Variants in FAM171A1 observed in about 807,000 individuals in gnomAD.
The protein encoded by FAM171A1 is protein FAM171A1.
A neutral mutation model predicts 74.9 loss-of-function variants in FAM171A1; 23 were observed. The observed-to-expected ratio is 0.31, with a 90% confidence interval of 0.22 to 0.44. The LOEUF (loss-of-function observed/expected upper bound fraction) is 0.44, where lower values mean the gene tolerates loss of function less well. Ranked by LOEUF, FAM171A1 falls within the 20% of genes least tolerant of loss-of-function variation. The probability of loss-of-function intolerance (pLI) is 1.00; values close to 1 mark genes in which losing one functional copy is unlikely to be tolerated. For missense variants in FAM171A1, 1,162 were observed against 1,159.2 expected (o/e 1.00, Z -0.03); for synonymous variants, 527 against 505.7 (o/e 1.04, Z -0.57).
chr10:15,214,806 G>A lies in FAM171A1; in HGVS notation c.987-205C>T, dbSNP rs1458543544. 3.4e-5 allele frequency among the ~76,000 whole-genome samples: 5 copies of A among 148,112 alleles called. No homozygotes were observed. In the East Asian group the frequency reaches 6.0e-4, roughly 18 times the overall value. On this transcript the variant is annotated intron_variant, in intron 7 of 7. Coordinates refer to ENST00000378116, the MANE Select transcript of FAM171A1 (RefSeq NM_001010924.2). ...GCATCTTGCTTGCTCTGTCGCCCAC[G>A]TTGGAGTGCAGTGCTATGATCATAG...
intron 1 of FAM171A1, among the ~76,000 whole-genome samples, chr10:15,310,668 C>A (rs939974557): frequency 6.6e-6 from 1 of 152,076 alleles, no homozygotes; most frequent in Non-Finnish European, 1.5e-5. Flanking sequence ...TCGAGACCAG[C>A]CTGGCCAACA....
At chr10:15,276,974 A>G (rs2131801017) in intron 2 of FAM171A1, among the ~76,000 whole-genome samples, 1 of 152,336 alleles carries the variant, frequency 6.6e-6, no homozygotes, top group East Asian at 1.9e-4. Context: ...GGCTAGAGCC[A>G]CTGCACCTAG....
chr10:15,329,776 T>C (rs1483266715), intron 1 of FAM171A1, among the ~76,000 whole-genome samples: 1 of 152,092 alleles, frequency 6.6e-6, no homozygotes, highest in African/African-American at 2.4e-5. Flanking sequence ...TAGAATAAAA[T>C]TGATACCATT....
At chr10:15,275,201 T>A (rs1003277524) in intron 3 of FAM171A1, among the ~76,000 whole-genome samples, 5 of 151,990 alleles carry the variant, frequency 3.3e-5, no homozygotes, top group African/African-American at 1.2e-4. Flanking sequence ...TGTATACAGA[T>A]GTAACAAACC....
chr10:15,313,632 T>A (rs1243446788), intron 1 of FAM171A1, among the ~76,000 whole-genome samples: 1 of 151,890 alleles, frequency 6.6e-6, no homozygotes, highest in Admixed American at 6.6e-5. Flanking sequence ...AACTCGTGAG[T>A]TTTTGCAGAT....
intron 1 of FAM171A1, among the ~76,000 whole-genome samples, chr10:15,359,568 C>G (rs1237539643): frequency 6.6e-6 from 1 of 152,146 alleles, no homozygotes; most frequent in Non-Finnish European, 1.5e-5. Context: ...ATGAGTCCTC[C>G]AAAGACATCC....
At chr10:15,235,865 G>C (rs1485520541) in intron 5 of FAM171A1, among the ~76,000 whole-genome samples, 1 of 152,002 alleles carries the variant, frequency 6.6e-6, no homozygotes, top group Non-Finnish European at 1.5e-5. Context: ...GGGAAACCTT[G>C]GATACCTGGA....
At chr10:15,299,854 T>C (rs890099766) in intron 1 of FAM171A1, among the ~76,000 whole-genome samples, 5 of 152,160 alleles carry the variant, frequency 3.3e-5, no homozygotes, top group Admixed American at 3.3e-4. Flanking sequence ...GGTGGGTGCC[T>C]GTAGTCCCAG....
chr10:15,361,166 T>C (rs1162250720), intron 1 of FAM171A1, among the ~76,000 whole-genome samples: 1 of 152,194 alleles, frequency 6.6e-6, no homozygotes, highest in Non-Finnish European at 1.5e-5. Context: ...ATGTTACTTA[T>C]AATAAAATGT....
chr10:15,351,580 G>GATGGATGGATGC (rs771672539), intron 1 of FAM171A1, among the ~76,000 whole-genome samples: 2 of 150,128 alleles, frequency 1.3e-5, no homozygotes, highest in Non-Finnish European at 3.0e-5. Flanking sequence ...TGGATGGATG[G>GATGGATGGATGC]ATGGATGGAT....
intron 5 of FAM171A1, among the ~76,000 whole-genome samples, chr10:15,226,180 C>T (rs550067097): frequency 3.1e-4 from 47 of 152,296 alleles, no homozygotes; most frequent in Non-Finnish European, 4.7e-4. Flanking sequence ...CTTCTTCCTG[C>T]AGAAGCCGCA....
chr10:15,322,783 T>C (rs1379915042), intron 1 of FAM171A1, among the ~76,000 whole-genome samples: 1 of 152,198 alleles, frequency 6.6e-6, no homozygotes, highest in Admixed American at 6.5e-5. Flanking sequence ...CTTATCTTCA[T>C]CAGGCATCAG....
rs184004051 is a variant in FAM171A1, at chr10:15,273,698, G to A, written c.418+2157C>T. On this transcript the variant is annotated intron_variant, in intron 3 of 7. Coordinates refer to ENST00000378116, the MANE Select transcript of FAM171A1 (RefSeq NM_001010924.2). Reference sequence around the variant, plus strand: ...TAGCTTATCCACCATGATCAAGTTGGCTTCATCTCTGGGATGCAAGACTGG... The same window carrying A: ...TAGCTTATCCACCATGATCAAGTTGACTTCATCTCTGGGATGCAAGACTGG... Among the ~76,000 whole-genome samples the A allele has an allele frequency of 3.2e-3, 494 of 152,282 alleles. 3 individuals carry two copies. Among genetic ancestry groups the A allele is most frequent in the African/African-American group, 0.011 (475 of 41,548 alleles).
chr10:15,309,204 A>T (rs1835330647), intron 1 of FAM171A1, among the ~76,000 whole-genome samples: 1 of 152,146 alleles, frequency 6.6e-6, no homozygotes, highest in African/African-American at 2.4e-5. Context: ...AGCAGAAACC[A>T]AATTTAACTT....
intron 3 of FAM171A1, among the ~76,000 whole-genome samples, chr10:15,263,062 C>T (rs564151761): frequency 6.6e-6 from 1 of 152,324 alleles, no homozygotes; most frequent in African/African-American, 2.4e-5. Flanking sequence ...AGGAAAAGGA[C>T]CATCTGGGAA....
chr10:15,229,777 T>C (rs201286424), intron 5 of FAM171A1, among the ~76,000 whole-genome samples: 3 of 5,016 alleles, frequency 6.0e-4, no homozygotes, highest in South Asian at 0.012. Flanking sequence ...ATCACCATCA[T>C]CACCATCACC....
At chr10:15,307,646 CAAAAAAAAAA>C (rs560861841) in intron 1 of FAM171A1, among the ~76,000 whole-genome samples, 1 of 93,198 alleles carries the variant, frequency 1.1e-5, no homozygotes, top group Non-Finnish European at 2.0e-5. Flanking sequence ...AACTCCATTT[CAAAAAAAAAA>C]AAAAAAAAAA....
At position 15,303,336 on chromosome 10, in the gene FAM171A1, T is replaced by TG. The variant is rs1357032656; in HGVS notation, c.98-19232dup. On this transcript the variant is annotated intron_variant, in intron 1 of 7. Transcript: ENST00000378116. ...CGATTGAAATTTCCTGCTTCATCTA[T>TG]GGGGGAATAAATAACTACTTTGAAC... Among the ~76,000 whole-genome samples the TG allele has an allele frequency of 2.6e-4, 40 of 152,340 alleles. 2 individuals carry two copies. Among genetic ancestry groups the TG allele is most frequent in the South Asian group, 2.1e-4 (1 of 4,834 alleles).
chr10:15,237,474 T>A (rs929553594), intron 5 of FAM171A1: 1 of 152,188 alleles, frequency 6.6e-6, no homozygotes, highest in South Asian at 2.1e-4. Flanking sequence ...GAAAAACAAA[T>A]GTCGATGTTC....
Sources: allele counts gnomAD v4.1 joint callset (sites outside exome capture counted in the v4.1 genomes callset), GRCh38; gene constraint gnomAD v4.1.1; transcripts MANE v1.5; gene names NCBI Gene and HGNC (gene_info 2026-07-23, HGNC 2026-07-21).